Variants in MYO18B observed in about 807,000 individuals in gnomAD.
MYO18B encodes the protein unconventional myosin-XVIIIb.
A neutral mutation model predicts 273.0 loss-of-function variants in MYO18B; 204 were observed. The observed-to-expected ratio is 0.75, with a 90% confidence interval of 0.67 to 0.84. The LOEUF is 0.84. Ranked by LOEUF, MYO18B falls within the 40% of genes least tolerant of loss-of-function variation. The pLI is 0.00. For missense variants in MYO18B, 3,212 were observed against 3,287.6 expected, an observed-to-expected ratio of 0.98 and a Z score of 0.56; for synonymous variants, 1,330 against 1,305.7, an observed-to-expected ratio of 1.02 and a Z score of -0.40.
chr22:26,018,264 T>C (rs1374402896), intron 42 of MYO18B, among the ~76,000 whole-genome samples: 1 of 152,116 alleles, frequency 6.6e-6, no homozygotes, highest in Non-Finnish European at 1.5e-5. Context: ...ACTGCCATAT[T>C]GTAAGGAATG....
chr22:26,052,583 CA>C, the MYO18B span, among the ~76,000 whole-genome samples: 1 of 151,904 alleles, frequency 6.6e-6, no homozygotes, highest in Non-Finnish European at 1.5e-5. Context: ...GGTGAGAAAC[CA>C]AGGGGTGGGA....
the MYO18B span, among the ~76,000 whole-genome samples, chr22:26,042,291 G>C: frequency 6.6e-6 from 1 of 152,218 alleles, no homozygotes; most frequent in Admixed American, 6.5e-5. Context: ...ATCCTAAAAG[G>C]TAAAGGAGAC....
intron 21 of MYO18B, among the ~76,000 whole-genome samples, chr22:25,857,829 C>G (rs1309301553): frequency 6.6e-6 from 1 of 152,148 alleles, no homozygotes; most frequent in African/African-American, 2.4e-5. Flanking sequence ...AATTTTAGTA[C>G]TTTTGTAGAG....
intron 1 of MYO18B, among the ~76,000 whole-genome samples, chr22:25,743,867 A>G (rs2085699092): frequency 1.3e-5 from 2 of 152,156 alleles, no homozygotes; most frequent in African/African-American, 2.4e-5. Context: ...GTTTTTCTTG[A>G]AGTGACGGTC....
intron 42 of MYO18B, among the ~76,000 whole-genome samples, chr22:26,022,987 T>C (rs1407802677): frequency 6.6e-6 from 1 of 152,238 alleles, no homozygotes. Flanking sequence ...GGCAGCTGGC[T>C]ACTTCGCCAT....
chr22:25,827,407 G>A (rs2145911604), intron 14 of MYO18B, among the ~76,000 whole-genome samples: 1 of 152,306 alleles, frequency 6.6e-6, no homozygotes, highest in African/African-American at 2.4e-5. Context: ...CCTCTGATGT[G>A]TGTCTGCGGG....
intron 21 of MYO18B, among the ~76,000 whole-genome samples, chr22:25,858,762 G>T (rs1231321914): frequency 6.6e-6 from 1 of 152,200 alleles, no homozygotes; most frequent in African/African-American, 2.4e-5. Flanking sequence ...AGCCATGTTT[G>T]CTGAGGTGTA....
At chr22:25,924,256 C>T (rs767737746) in intron 34 of MYO18B, among the ~76,000 whole-genome samples, 9 of 152,182 alleles carry the variant, frequency 5.9e-5, no homozygotes, top group Non-Finnish European at 1.2e-4. Flanking sequence ...GCTCCAGGGA[C>T]ATAGGTAGGG....
intron 42 of MYO18B, among the ~76,000 whole-genome samples, chr22:26,015,725 A>G (rs954283545): frequency 6.6e-6 from 1 of 152,222 alleles, no homozygotes; most frequent in East Asian, 1.9e-4. Flanking sequence ...CTGGGTGATG[A>G]AATAAACTGT....
intron 12 of MYO18B, among the ~76,000 whole-genome samples, chr22:25,821,986 C>T (rs1192297936): frequency 6.6e-6 from 1 of 152,134 alleles, no homozygotes; most frequent in Non-Finnish European, 1.5e-5. Flanking sequence ...ACTATGATAT[C>T]ATTTTCTAAT....
Position 25,811,696 on chromosome 22 carries a change from G to A in MYO18B, c.2522-11809G>A, listed in dbSNP as rs146430920. On this transcript the variant is annotated intron_variant, in intron 12 of 43. Coordinates refer to ENST00000335473, the MANE Select transcript of MYO18B (RefSeq NM_032608.7). ...CATAGTGATATTCCTGATTCTCTTCGTCAGCTGCAGGGGACTGTCCAGAAT... is the reference window on the plus strand; with the variant it reads ...CATAGTGATATTCCTGATTCTCTTCATCAGCTGCAGGGGACTGTCCAGAAT... 3.9e-5 allele frequency among the ~76,000 whole-genome samples: 6 copies of A among 152,132 alleles called. No homozygotes were observed. In the East Asian group the frequency reaches 7.7e-4, roughly 20 times the overall value.
intron 12 of MYO18B, among the ~76,000 whole-genome samples, chr22:25,818,256 C>T (rs138992607): frequency 2.0e-5 from 3 of 152,208 alleles, no homozygotes; most frequent in Non-Finnish European, 2.9e-5. Flanking sequence ...CTGTTTCTCT[C>T]TCTCTGCCTC....
chr22:25,880,158 T>G (rs1336789848), intron 25 of MYO18B, among the ~76,000 whole-genome samples: 1 of 152,164 alleles, frequency 6.6e-6, no homozygotes, highest in Non-Finnish European at 1.5e-5. Flanking sequence ...CTTTCAGGAC[T>G]GGGGAAAGGG....
intron 39 of MYO18B, among the ~76,000 whole-genome samples, chr22:25,983,747 G>C (rs2093172265): frequency 6.6e-6 from 1 of 152,222 alleles, no homozygotes; most frequent in Non-Finnish European, 1.5e-5. Flanking sequence ...GGCATCCATG[G>C]AAGCAGCAGT....
chr22:25,828,855 G>A lies in MYO18B; in HGVS notation c.2866G>A (p.Gly956Ser). The change falls in exon 15 of 44, where the codon GGC becomes AGC. Residue 956 changes from glycine to serine, a missense_variant. Coordinates refer to ENST00000335473, the MANE Select transcript of MYO18B (RefSeq NM_032608.7). Reference sequence around the variant, plus strand: ...AGGCTTCCAGAACCCCCGGCACCAGGGCAAGGACCGGGCGGCCACCTTTGA... The same window carrying A: ...AGGCTTCCAGAACCCCCGGCACCAGAGCAAGGACCGGGCGGCCACCTTTGA... ...SPGFQNPRHQ[G>S]KDRAATFEEL... 1 of 1,613,934 alleles carries A rather than the reference G, an allele frequency of 6.2e-7. No individual in the cohort carries two copies.
At chr22:26,045,451 T>C in the MYO18B span, among the ~76,000 whole-genome samples, 1 of 152,078 alleles carries the variant, frequency 6.6e-6, no homozygotes, top group Non-Finnish European at 1.5e-5. Flanking sequence ...TTATATGAAA[T>C]GAGGGAAGAG....
intron 25 of MYO18B, among the ~76,000 whole-genome samples, chr22:25,889,533 G>A (rs1040779880): frequency 8.6e-5 from 13 of 150,360 alleles, no homozygotes; most frequent in Non-Finnish European, 2.9e-5. Flanking sequence ...GTCTGGACTC[G>A]AACCTTGCAC....
At chr22:25,871,793 CAAA>C (rs1391533032) in intron 22 of MYO18B, among the ~76,000 whole-genome samples, 1 of 141,062 alleles carries the variant, frequency 7.1e-6, no homozygotes, top group South Asian at 2.2e-4. Context: ...GCAAAAAAAA[CAAA>C]AAACAAAAAA....
intron 17 of MYO18B, among the ~76,000 whole-genome samples, chr22:25,837,301 G>A (rs2089935107): frequency 6.6e-6 from 1 of 152,116 alleles, no homozygotes; most frequent in Non-Finnish European, 1.5e-5. Flanking sequence ...CTATGTCAAG[G>A]TGTCAGGGAC....
Sources: gnomAD v4.1 joint callset for allele counts (sites outside exome capture counted in the v4.1 genomes callset) on GRCh38, gnomAD v4.1.1 for gene constraint, MANE v1.5 for transcripts, NCBI Gene and HGNC (gene_info 2026-07-23, HGNC 2026-07-21) for gene names.